The following ARHGAP20 variants were observed in gnomAD, a reference collection of about 807,000 sequenced individuals.
ARHGAP20 encodes rho GTPase-activating protein 20.
Under a neutral mutation model 73.7 loss-of-function variants are expected in ARHGAP20, and 34 were observed. The observed-to-expected ratio is 0.46, with a 90% CI of 0.35 to 0.61. The LOEUF (loss-of-function observed/expected upper bound fraction) is 0.61, where lower values mean the gene tolerates loss of function less well. Ranked by LOEUF, ARHGAP20 falls within the 20% of genes least tolerant of loss-of-function variation. The pLI is 0.00. For missense variants in ARHGAP20, 1,314 were observed against 1,420.9 expected, an observed-to-expected ratio of 0.92 and a Z score of 1.21; for synonymous variants, 523 against 518.2, an observed-to-expected ratio of 1.01 and a Z score of -0.13.
intron 1 of ARHGAP20, among the ~76,000 whole-genome samples, chr11:110,700,739 C>A (rs111373943): frequency 9.0e-6 from 1 of 111,176 alleles, no homozygotes; most frequent in African/African-American, 3.4e-5. Flanking sequence ...TCCCTCCCCC[C>A]TCCCCCCACC....
At chr11:110,702,707 T>C (rs1262247738) in intron 1 of ARHGAP20, among the ~76,000 whole-genome samples, 1 of 152,202 alleles carries the variant, frequency 6.6e-6, no homozygotes, top group African/African-American at 2.4e-5. Context: ...AAAATCAATG[T>C]GTGAAAATCA....
Position 110,712,261 on chromosome 11 carries a change from AG to A in ARHGAP20, c.-31del. 1 of 1,309,484 alleles carries A rather than the reference AG, an allele frequency of 7.6e-7. No homozygotes were observed. The highest frequency in any genetic ancestry group is 9.8e-7 in the Non-Finnish European group (1 of 1,020,474). 81.1% of individuals were successfully genotyped at this position (1,309,484 alleles called of 1,614,324 possible). A position where few individuals can be genotyped will look rare whatever the true frequency, so the allele number is the denominator to read the frequency against. ...AAAATCTTCAAACAAATCCCAGCCC[AG>A]GAGGAGGCTACACGATCATGTCCGC... is the stretch of plus-strand genomic sequence containing the variant. On this transcript the variant is annotated 5_prime_UTR_variant, in exon 1 of 15. Transcript: ENST00000683387.
intron 6 of ARHGAP20, 29 bp downstream of exon 6, chr11:110,614,532 A>G: frequency 3.2e-6 from 5 of 1,583,274 alleles, no homozygotes; most frequent in Non-Finnish European, 3.5e-6. Flanking sequence ...GGGACTTGGA[A>G]TTTAATTTTC....
At chr11:110,620,540 C>T in intron 4 of ARHGAP20, among the ~76,000 whole-genome samples, 1 of 152,122 alleles carries the variant, frequency 6.6e-6, no homozygotes, top group Non-Finnish European at 1.5e-5. Context: ...TGGATGATGA[C>T]CTAGATTTCC....
intron 12 of ARHGAP20, among the ~76,000 whole-genome samples, chr11:110,584,694 G>A (rs1006995076): frequency 8.6e-5 from 13 of 152,006 alleles, no homozygotes; most frequent in African/African-American, 2.9e-4. Context: ...CTCTGTGTAA[G>A]TTATAACTAA....
intron 2 of ARHGAP20, among the ~76,000 whole-genome samples, chr11:110,637,734 A>C (rs905122488): frequency 1.3e-5 from 2 of 152,066 alleles, no homozygotes; most frequent in Non-Finnish European, 2.9e-5. Context: ...ACAATAAAAG[A>C]AATACAGAGT....
intron 1 of ARHGAP20, among the ~76,000 whole-genome samples, chr11:110,705,684 G>A (rs1650680029): frequency 6.6e-6 from 1 of 152,126 alleles, no homozygotes; most frequent in African/African-American, 2.4e-5. Context: ...TGGACACAAA[G>A]TTTTTTCCTC....
chr11:110,698,758 G>A (rs1950386696), intron 1 of ARHGAP20, among the ~76,000 whole-genome samples: 1 of 151,856 alleles, frequency 6.6e-6, no homozygotes, highest in African/African-American at 2.4e-5. Context: ...GTTATCAATT[G>A]TAATATCACC....
intron 2 of ARHGAP20, among the ~76,000 whole-genome samples, chr11:110,648,423 A>G (rs1949274499): frequency 6.6e-6 from 1 of 150,700 alleles, no homozygotes; most frequent in African/African-American, 2.4e-5. Flanking sequence ...GTTGTTAGAG[A>G]CACCAGTAAT....
intron 3 of ARHGAP20, among the ~76,000 whole-genome samples, chr11:110,628,893 C>G (rs1280106964): frequency 1.3e-5 from 2 of 152,082 alleles, no homozygotes; most frequent in Non-Finnish European, 2.9e-5. Flanking sequence ...GGAAAAGAAA[C>G]TGTCTTTATA....
chr11:110,592,446 A>G (rs1410039358), intron 9 of ARHGAP20, among the ~76,000 whole-genome samples: 1 of 152,210 alleles, frequency 6.6e-6, no homozygotes, highest in Non-Finnish European at 1.5e-5. Context: ...CAAAGGTGAA[A>G]GACTCCCTTA....
At position 110,585,038 on chromosome 11, in the gene ARHGAP20, AATAT is replaced by A. The variant is rs377285744; in HGVS notation, c.1415+1174_1415+1177del. Among the ~76,000 whole-genome samples, 173 of 146,802 alleles carry A rather than the reference AATAT, an allele frequency of 1.2e-3. 1 individual carries two copies. In the South Asian group the frequency reaches 0.024, roughly 20 times the overall value. ...GTGAACATATATGTGAATATATGTG[AATAT>A]ATATGAATATATGAATATATGTGAA... is the stretch of plus-strand genomic sequence containing the variant. On this transcript the variant is annotated intron_variant, in intron 12 of 14. Coordinates refer to ENST00000683387, the MANE Select transcript of ARHGAP20 (RefSeq NM_001384657.1).
At chr11:110,655,986 C>T (rs1755738805) in intron 2 of ARHGAP20, among the ~76,000 whole-genome samples, 1 of 152,156 alleles carries the variant, frequency 6.6e-6, no homozygotes, top group African/African-American at 2.4e-5. Context: ...TTACCTTCTA[C>T]TACCTTAATT....
At chr11:110,593,187 G>A (rs1229743529) in intron 9 of ARHGAP20, among the ~76,000 whole-genome samples, 1 of 151,514 alleles carries the variant, frequency 6.6e-6, no homozygotes, top group African/African-American at 2.4e-5. Flanking sequence ...AAATTGAGGA[G>A]GGATTTAAGT....
At chr11:110,694,022 G>A (rs951973772) in intron 1 of ARHGAP20, among the ~76,000 whole-genome samples, 6 of 151,788 alleles carry the variant, frequency 4.0e-5, no homozygotes, top group Non-Finnish European at 7.4e-5. Flanking sequence ...TTAAAGAAAC[G>A]ATAAACTATA....
At chr11:110,656,575 T>C (rs1192586996) in intron 2 of ARHGAP20, among the ~76,000 whole-genome samples, 4 of 152,166 alleles carry the variant, frequency 2.6e-5, no homozygotes, top group African/African-American at 9.7e-5. Flanking sequence ...GTTTTGCTTC[T>C]ACCTCTCCCC....
At chr11:110,637,750 A>G (rs1490298581) in intron 2 of ARHGAP20, among the ~76,000 whole-genome samples, 1 of 152,096 alleles carries the variant, frequency 6.6e-6, no homozygotes, top group Non-Finnish European at 1.5e-5. Context: ...AGAGTGCAGG[A>G]GCACAAAAAA....
intron 2 of ARHGAP20, among the ~76,000 whole-genome samples, chr11:110,688,278 TC>T (rs1207472793): frequency 6.8e-6 from 1 of 147,664 alleles, no homozygotes; most frequent in African/African-American, 2.5e-5. Flanking sequence ...CACCCCCTCC[TC>T]CCCCCGCCCC....
In ARHGAP20 at chr11:110,610,584, A is replaced by G. The variant is rs1272390042; in HGVS notation, c.708+725T>C. On this transcript the variant is annotated intron_variant, in intron 7 of 14. Coordinates refer to ENST00000683387, the MANE Select transcript of ARHGAP20 (RefSeq NM_001384657.1). ...ATTGTGTGGTGTTTATACAACTGGT[A>G]GCAAGGTGATGAGGACAGTCTTCCA... Among the ~76,000 whole-genome samples, 3 of 152,260 alleles carry G rather than the reference A, an allele frequency of 2.0e-5. No homozygotes were observed. The East Asian group carries it at 5.8e-4, about 29-fold the overall frequency.
Sources: allele counts gnomAD v4.1 joint callset (sites outside exome capture counted in the v4.1 genomes callset), GRCh38; gene constraint gnomAD v4.1.1; transcripts MANE v1.5; gene names NCBI Gene and HGNC (gene_info 2026-07-23, HGNC 2026-07-21).